The following DCDC2C variants were observed in gnomAD, a reference collection of about 807,000 sequenced individuals.
DCDC2C encodes the protein doublecortin domain-containing protein 2C.
DCDC2C carries 44 observed loss-of-function variants against 45.0 expected under a neutral mutation model. The ratio of observed to expected loss-of-function variants is 0.98; its 90% CI spans 0.77 to 1.26. The LOEUF is 1.26. DCDC2C is among the 50% of genes most tolerant of loss of function. DCDC2C has a pLI of 0.00. For missense variants in DCDC2C, 447 were observed against 468.9 expected (o/e 0.95, Z 0.43); for synonymous variants, 187 against 178.8 (o/e 1.05, Z -0.37).
At chr2:3,704,345 GAAAC>G (rs1667977310) in intron 1 of DCDC2C, among the ~76,000 whole-genome samples, 1 of 140,656 alleles carries the variant, frequency 7.1e-6, no homozygotes. Flanking sequence ...GCGTGGGGCA[GAAAC>G]AGGGGTGTGG....
At chr2:3,758,474 C>A (rs1284254707) in intron 6 of DCDC2C, among the ~76,000 whole-genome samples, 1 of 152,152 alleles carries the variant, frequency 6.6e-6, no homozygotes. Flanking sequence ...ACGGAAAGAC[C>A]TAAAAGTAGA....
intron 10 of DCDC2C, among the ~76,000 whole-genome samples, chr2:3,822,441 T>A (rs1671713543): frequency 6.6e-6 from 1 of 152,174 alleles, no homozygotes; most frequent in Non-Finnish European, 1.5e-5. Flanking sequence ...AATCACCTTA[T>A]TTCTGTGAAG....
rs141017391 is a variant in DCDC2C at position 3,776,648 on chromosome 2, G to C, written c.955-2168G>C. 5.4e-4 allele frequency among the ~76,000 whole-genome samples: 83 copies of C among 152,298 alleles called. 2 individuals are homozygous for C. The East Asian group carries it at 0.015, about 27-fold the overall frequency. On this transcript the variant is annotated intron_variant, in intron 8 of 10. Coordinates refer to ENST00000399143, the MANE Select transcript of DCDC2C (RefSeq NM_001287444.2). ...GATGCTGGCTTTCAGCAAGGATGAG[G>C]GGTAGGGCATCTTCTCCTCTCACTC...
At chr2:3,757,617 T>G (rs1443636899) in intron 6 of DCDC2C, among the ~76,000 whole-genome samples, 1 of 152,026 alleles carries the variant, frequency 6.6e-6, no homozygotes, top group Non-Finnish European at 1.5e-5. Flanking sequence ...CGTGGTGAGG[T>G]GTTGGCAGCA....
At chr2:3,842,045 A>G (rs1198415969) in intron 10 of DCDC2C, among the ~76,000 whole-genome samples, 4 of 152,166 alleles carry the variant, frequency 2.6e-5, no homozygotes, top group Admixed American at 2.6e-4. Context: ...CTTGTTCAAG[A>G]TGAATCTGCA....
intron 4 of DCDC2C, among the ~76,000 whole-genome samples, chr2:3,746,936 T>C (rs2148116655): frequency 6.6e-6 from 1 of 152,070 alleles, no homozygotes; most frequent in East Asian, 1.9e-4. Flanking sequence ...GGGGGGACTG[T>C]GTGGACAATG....
At chr2:3,720,829 G>T (rs1572557271) in intron 2 of DCDC2C, among the ~76,000 whole-genome samples, 1 of 152,158 alleles carries the variant, frequency 6.6e-6, no homozygotes, top group African/African-American at 2.4e-5. Flanking sequence ...ATCTTGTCTA[G>T]AATTGGTATT....
intron 6 of DCDC2C, among the ~76,000 whole-genome samples, chr2:3,754,989 G>C (rs888540770): frequency 2.0e-5 from 3 of 152,232 alleles, no homozygotes; most frequent in Admixed American, 2.0e-4. Context: ...CTCTGGCGGG[G>C]GGTGGGAGGA....
chr2:3,792,803 T>G (rs1572622251), intron 10 of DCDC2C, among the ~76,000 whole-genome samples: 2 of 152,164 alleles, frequency 1.3e-5, no homozygotes, highest in East Asian at 3.9e-4. Flanking sequence ...GATGAGCAAT[T>G]TAAGGAAAGA....
Position 3,703,806 on chromosome 2 carries a change from G to A in DCDC2C, c.55G>A (p.Val19Met). 8.0e-7 allele frequency: 1 copy of A among 1,255,184 alleles called. No homozygotes were observed. The allele number at this position is 1,255,184 out of a possible 1,614,324, so 77.8% of individuals were successfully genotyped here. ...GGACACCACGCCCGCCAAGACCATC[G>A]TGGTGTACCGCAACGGGGACCCGTT... ...PVDTTPAKTIVVYRNGDPFYV... is the reference protein window; with the variant it reads ...PVDTTPAKTIMVYRNGDPFYV... Residue 19 changes from valine (V) to methionine (M), a missense_variant, in exon 1 of 11, where the codon GTG (valine) becomes ATG (methionine). Physicochemically the swap from Val to Met is conservative, Grantham distance 21. Coordinates refer to ENST00000399143, the MANE Select transcript of DCDC2C (RefSeq NM_001287444.2). The surrounding 1 kb of genome is among the most constrained non-coding windows in gnomAD (Gnocchi z 4.4).
intron 10 of DCDC2C, among the ~76,000 whole-genome samples, chr2:3,831,044 A>G (rs1213959874): frequency 6.6e-6 from 1 of 152,120 alleles, no homozygotes; most frequent in Non-Finnish European, 1.5e-5. Context: ...AGTAGGATTT[A>G]CTTGGCGACT....
At chr2:3,769,498 C>T in intron 8 of DCDC2C, 87 bp downstream of exon 8, 1 of 1,174,020 alleles carries the variant, frequency 8.5e-7, no homozygotes, top group Non-Finnish European at 1.2e-6. Flanking sequence ...CACCCTCTCC[C>T]TGCAAATTCT....
chr2:3,778,992 A>G (rs1670433948), intron 9 of DCDC2C, 108 bp downstream of exon 9: 8 of 1,116,538 alleles, frequency 7.2e-6, no homozygotes, highest in Non-Finnish European at 1.0e-5. Flanking sequence ...AGTCGCTTCC[A>G]AAACACAAGC....
At chr2:3,819,162 G>C (rs1240936842) in intron 10 of DCDC2C, among the ~76,000 whole-genome samples, 1 of 152,254 alleles carries the variant, frequency 6.6e-6, no homozygotes, top group African/African-American at 2.4e-5. Context: ...GACAGCATCA[G>C]TCTTCAGCTG....
intron 10 of DCDC2C, among the ~76,000 whole-genome samples, chr2:3,826,571 A>G (rs1042567159): frequency 6.6e-6 from 1 of 152,076 alleles, no homozygotes; most frequent in African/African-American, 2.4e-5. Context: ...CTGCCCCACG[A>G]GGTCACAGGT....
chr2:3,773,862 G>A (rs193091268), intron 8 of DCDC2C, among the ~76,000 whole-genome samples: 2 of 152,374 alleles, frequency 1.3e-5, no homozygotes, highest in African/African-American at 2.4e-5. Flanking sequence ...TGCGTGAGAA[G>A]CATGGTTTGA....
chr2:3,733,460 T>G (rs1235485965), intron 3 of DCDC2C, among the ~76,000 whole-genome samples: 3 of 152,248 alleles, frequency 2.0e-5, no homozygotes, highest in Non-Finnish European at 4.4e-5. Context: ...GGAGGCATCT[T>G]GAAGGAGTTG....
chr2:3,827,364 C>T (rs71449691), intron 10 of DCDC2C, among the ~76,000 whole-genome samples: 3 of 151,804 alleles, frequency 2.0e-5, no homozygotes, highest in South Asian at 2.1e-4. Flanking sequence ...AGCCTGGGAC[C>T]GGGGAGACAG....
At chr2:3,809,848 G>C (rs534627883) in intron 10 of DCDC2C, among the ~76,000 whole-genome samples, 1 of 151,998 alleles carries the variant, frequency 6.6e-6, no homozygotes, top group Non-Finnish European at 1.5e-5. Flanking sequence ...GTGGTGTTTT[G>C]TTTTCTGTTC....
Sources: gnomAD v4.1 joint callset for allele counts (sites outside exome capture counted in the v4.1 genomes callset) on GRCh38, gnomAD v4.1.1 for gene constraint, Gnocchi (gnomAD v3.1) non-coding constraint, MANE v1.5 for transcripts, NCBI Gene and HGNC (gene_info 2026-07-23, HGNC 2026-07-21) for gene names.